The following ARHGAP5 variants were observed in gnomAD, a reference collection of about 807,000 sequenced individuals.
The protein encoded by ARHGAP5 is Rho GTPase activating protein 5, also known as rho GTPase-activating protein 5.
Under a neutral mutation model 116.6 loss-of-function variants are expected in ARHGAP5, and 23 were observed. The observed-to-expected ratio is 0.20, with a 90% CI of 0.14 to 0.28. The LOEUF is 0.28. ARHGAP5 is among the 10% of genes least tolerant of loss of function. The pLI is 1.00. For missense variants in ARHGAP5, 1,405 were observed against 1,774.8 expected, an observed-to-expected ratio of 0.79 and a Z score of 3.74; for synonymous variants, 574 against 602.0, an observed-to-expected ratio of 0.95 and a Z score of 0.68.
chr14:32,097,049 T>C (rs1408905635), intron 2 of ARHGAP5, among the ~76,000 whole-genome samples: 1 of 152,206 alleles, frequency 6.6e-6, no homozygotes, highest in Non-Finnish European at 1.5e-5. Flanking sequence ...TTACAATCAT[T>C]GTTTAGAGTG....
intron 3 of ARHGAP5, among the ~76,000 whole-genome samples, chr14:32,130,402 T>TA (rs1161904841): frequency 6.6e-6 from 1 of 150,396 alleles, no homozygotes; most frequent in African/African-American, 2.4e-5. Flanking sequence ...TTTTTTTTTT[T>TA]AATAGAGAAG....
chr14:32,140,251 A>G lies in ARHGAP5; in HGVS notation c.3866-6012A>G, dbSNP rs2149664. On this transcript the variant is annotated intron_variant, in intron 3 of 6. Transcript: ENST00000345122. Reference sequence around the variant, plus strand: ...TCATCTAGAAGTGTTTTCTAATTTTATTTGTAATTTCTTCTTTGTTCCATT... The same window carrying G: ...TCATCTAGAAGTGTTTTCTAATTTTGTTTGTAATTTCTTCTTTGTTCCATT... 8.6e-3 allele frequency among the ~76,000 whole-genome samples: 1,296 copies of G among 150,738 alleles called. 12 individuals are homozygous for G. Among genetic ancestry groups the G allele is most frequent in the African/African-American group, 0.024 (972 of 41,068 alleles).
At chr14:32,113,292 G>T (rs1879400819) in intron 2 of ARHGAP5, among the ~76,000 whole-genome samples, 1 of 152,178 alleles carries the variant, frequency 6.6e-6, no homozygotes, top group African/African-American at 2.4e-5. Context: ...TAGTATAGGA[G>T]TGTCTAATCC....
intron 2 of ARHGAP5, among the ~76,000 whole-genome samples, chr14:32,109,798 G>C (rs1467438043): frequency 1.3e-5 from 2 of 152,042 alleles, no homozygotes; most frequent in African/African-American, 4.8e-5. Context: ...ATGACATACT[G>C]GCTAAGAATT....
chr14:32,108,436 T>C (rs1879120875), intron 2 of ARHGAP5, among the ~76,000 whole-genome samples: 1 of 151,978 alleles, frequency 6.6e-6, no homozygotes. Flanking sequence ...AGGATTTAGG[T>C]AATGTGTAAT....
At chr14:32,085,380 T>A (rs1042024014) in intron 1 of ARHGAP5, among the ~76,000 whole-genome samples, 1 of 152,114 alleles carries the variant, frequency 6.6e-6, no homozygotes, top group African/African-American at 2.4e-5. Flanking sequence ...AGCGCAGGAG[T>A]TCGAGGCTGC....
At chr14:32,101,986 A>G (rs1878814257) in intron 2 of ARHGAP5, among the ~76,000 whole-genome samples, 1 of 152,196 alleles carries the variant, frequency 6.6e-6, no homozygotes, top group African/African-American at 2.4e-5. Flanking sequence ...CCAAAAAGAA[A>G]AAAAAAAGCT....
At chr14:32,087,326 T>G (rs2041839346) in intron 1 of ARHGAP5, among the ~76,000 whole-genome samples, 1 of 152,070 alleles carries the variant, frequency 6.6e-6, no homozygotes, top group Admixed American at 6.6e-5. Flanking sequence ...TGAAGTTCCC[T>G]TAAAACCTGT....
At chr14:32,109,465 C>T (rs943235383) in intron 2 of ARHGAP5, among the ~76,000 whole-genome samples, 3 of 151,984 alleles carry the variant, frequency 2.0e-5, no homozygotes, top group Admixed American at 6.6e-5. Flanking sequence ...CTCATTCGCT[C>T]GTCTCCCTTT....
intron 3 of ARHGAP5, among the ~76,000 whole-genome samples, chr14:32,138,675 T>C (rs1880938617): frequency 6.6e-6 from 1 of 152,196 alleles, no homozygotes; most frequent in African/African-American, 2.4e-5. Flanking sequence ...TTCATTTTTT[T>C]CCATCTTGGA....
At chr14:32,127,709 C>T (rs532747372) in intron 3 of ARHGAP5, among the ~76,000 whole-genome samples, 22 of 152,168 alleles carry the variant, frequency 1.4e-4, no homozygotes, top group Non-Finnish European at 2.8e-4. Flanking sequence ...GACGGGGTGG[C>T]GGCCGGGCAG....
chr14:32,109,185 A>C (rs1442730525), intron 2 of ARHGAP5, among the ~76,000 whole-genome samples: 1 of 152,134 alleles, frequency 6.6e-6, no homozygotes, highest in East Asian at 1.9e-4. Flanking sequence ...TTACTTTTAC[A>C]CTAAGCCCGA....
intron 3 of ARHGAP5, among the ~76,000 whole-genome samples, chr14:32,142,681 C>T (rs928346499): frequency 1.3e-5 from 2 of 152,228 alleles, no homozygotes; most frequent in African/African-American, 4.8e-5. Context: ...TGCTCTCTGG[C>T]ACTTGTGTAA....
At chr14:32,115,693 T>A (rs1210760583) in intron 2 of ARHGAP5, among the ~76,000 whole-genome samples, 1 of 141,036 alleles carries the variant, frequency 7.1e-6, no homozygotes, top group Non-Finnish European at 1.5e-5. Context: ...AAGCATCGGC[T>A]GGGTGCTGTG....
At chr14:32,112,760 A>G (rs1313504047) in intron 2 of ARHGAP5, among the ~76,000 whole-genome samples, 1 of 152,068 alleles carries the variant, frequency 6.6e-6, no homozygotes, top group East Asian at 1.9e-4. Flanking sequence ...AGTCCCAGCT[A>G]CTCAGGAGGC....
chr14:32,105,420 C>G (rs537994801), intron 2 of ARHGAP5, among the ~76,000 whole-genome samples: 2 of 151,950 alleles, frequency 1.3e-5, no homozygotes, highest in Admixed American at 1.3e-4. Flanking sequence ...ATCACAAATA[C>G]CTTTTTTAAA....
intron 6 of ARHGAP5, among the ~76,000 whole-genome samples, chr14:32,153,406 CAAAAAAAAAAAAAAAAAAAAAAAAA>C (rs771660350): frequency 5.3e-3 from 81 of 15,162 alleles, no homozygotes; most frequent in African/African-American, 0.011. Flanking sequence ...GACTCTGTCT[CAAAAAAAAAAAAAAAAAAAAAAAAA>C]AAAAAAAAAA....
At chr14:32,101,206 C>T (rs563744407) in intron 2 of ARHGAP5, among the ~76,000 whole-genome samples, 1 of 152,082 alleles carries the variant, frequency 6.6e-6, no homozygotes, top group East Asian at 1.9e-4. Context: ...TATCTAAATC[C>T]ACCATCAATT....
chr14:32,148,163 AATC>A (rs1175578807), intron 4 of ARHGAP5, among the ~76,000 whole-genome samples: 126 of 147,552 alleles, frequency 8.5e-4, no homozygotes, highest in African/African-American at 2.8e-3. Flanking sequence ...AAAAAAAAGA[AATC>A]TATCTATCTA....
Sources: gnomAD v4.1 joint callset for allele counts (sites outside exome capture counted in the v4.1 genomes callset) on GRCh38, gnomAD v4.1.1 for gene constraint, MANE v1.5 for transcripts, NCBI Gene and HGNC (gene_info 2026-07-23, HGNC 2026-07-21) for gene names.